CDS2: variants seen among roughly 807,000 people sequenced by gnomAD.
CDS2 encodes the protein phosphatidate cytidylyltransferase 2.
CDS2 carries 47 observed loss-of-function variants against 59.0 expected under a neutral mutation model. That is an observed-to-expected ratio of 0.80 (90% confidence interval 0.63 to 1.02). CDS2 has a LOEUF of 1.02. Ranked by LOEUF, CDS2 falls within the 50% of genes least tolerant of loss-of-function variation. CDS2 has a pLI of 0.00. For missense variants in CDS2, 356 were observed against 558.9 expected (o/e 0.64, Z 3.66); for synonymous variants, 207 against 206.4 (o/e 1.00, Z -0.02).
At position 5,178,905 on chromosome 20, in the gene CDS2, C is replaced by T. The variant is rs1417791050; in HGVS notation, c.478C>T (p.Arg160Trp). The change falls in exon 5 of 13, where the codon CGG becomes TGG. Residue 160 changes from arginine to tryptophan, a missense_variant. This residue lies in a region of CDS2 where 87 missense variants were observed against 193.3 expected (regional missense o/e 0.45). Coordinates refer to ENST00000460006, the MANE Select transcript of CDS2 (RefSeq NM_003818.4). ...FTLVQREEPL[R>W]ILSKYHRFIS... ...CCTGGTCCAGAGAGAAGAGCCTTTG[C>T]GGATTCTCAGTAAATACCACCGGTT... is the stretch of plus-strand genomic sequence containing the variant. 11 of 1,613,838 alleles carry T rather than the reference C, an allele frequency of 6.8e-6. No homozygotes were observed. The highest frequency in any genetic ancestry group is 1.6e-4 in the Middle Eastern group (1 of 6,084).
At chr20:5,174,579 G>T (rs2090980436) in intron 2 of CDS2, among the ~76,000 whole-genome samples, 1 of 152,104 alleles carries the variant, frequency 6.6e-6, no homozygotes, top group Admixed American at 6.5e-5. Context: ...AAAAAAATTA[G>T]CTGGGTGTGG....
rs554910632 is a variant in CDS2, at chr20:5,140,523, A to G, written c.57+13374A>G. On this transcript the variant is annotated intron_variant, in intron 1 of 12. Coordinates refer to ENST00000460006, the MANE Select transcript of CDS2 (RefSeq NM_003818.4). ...ACTCCTTGGTTTATAGCCTAGTTCA[A>G]TCATTAAGTTGTGTCTGTTTTCTCA... 2.2e-3 allele frequency among the ~76,000 whole-genome samples: 334 copies of G among 152,208 alleles called. 2 individuals are homozygous for G. Among genetic ancestry groups the G allele is most frequent in the Non-Finnish European group, 4.2e-3 (285 of 68,026 alleles).
At chr20:5,160,477 GACT>G (rs1363546735) in intron 1 of CDS2, among the ~76,000 whole-genome samples, 4 of 152,146 alleles carry the variant, frequency 2.6e-5, no homozygotes, top group Non-Finnish European at 5.9e-5. Context: ...ACAGCTGTTA[GACT>G]GTCTGCATTG....
intron 1 of CDS2, among the ~76,000 whole-genome samples, chr20:5,130,090 A>G (rs2090592090): frequency 6.6e-6 from 1 of 151,994 alleles, no homozygotes; most frequent in African/African-American, 2.4e-5. Flanking sequence ...CTCCTGCCTT[A>G]GCTTCCCCAG....
In CDS2 at chr20:5,127,022, G is replaced by C; in HGVS notation, c.-71G>C. ...GGGCCGGCCGTGGGAGTCCGCGCGT[G>C]CCCGCGCCGAGCTGCCTGCTCCGGC... On this transcript the variant is annotated 5_prime_UTR_variant, in exon 1 of 13. Transcript: ENST00000460006. The C allele has an allele frequency of 7.1e-7, 1 of 1,413,180 alleles. No individual in the cohort carries two copies. The highest frequency in any genetic ancestry group is 9.4e-7 in the Non-Finnish European group (1 of 1,067,414). The allele number at this position is 1,413,180 out of a possible 1,614,324, so 87.5% of individuals were successfully genotyped here.
chr20:5,182,919 T>C lies in CDS2; in HGVS notation c.589-142T>C, dbSNP rs1275105371. ...TTACTCTCAGAAGCCTGATCTTACCTGTTCACTTTCAATAAGTCAGATACA... is the reference window on the plus strand; with the variant it reads ...TTACTCTCAGAAGCCTGATCTTACCCGTTCACTTTCAATAAGTCAGATACA... On this transcript the variant is annotated intron_variant, in intron 6 of 12. Coordinates refer to ENST00000460006, the MANE Select transcript of CDS2 (RefSeq NM_003818.4). 3 of 671,486 alleles carry C rather than the reference T, an allele frequency of 4.5e-6. No homozygotes were observed. The East Asian group carries it at 8.2e-5, about 18-fold the overall frequency. 41.6% of individuals were successfully genotyped at this position (671,486 alleles called of 1,614,324 possible).
At chr20:5,180,784 A>C (rs1235266926) in intron 5 of CDS2, among the ~76,000 whole-genome samples, 1 of 151,970 alleles carries the variant, frequency 6.6e-6, no homozygotes, top group Non-Finnish European at 1.5e-5. Flanking sequence ...TTCCCCCATC[A>C]CTTTTATAAG....
At position 5,190,519 on chromosome 20, in the gene CDS2, A is replaced by G. The variant is rs3746676; in HGVS notation, c.*285A>G. On this transcript the variant is annotated 3_prime_UTR_variant, in exon 13 of 13. Coordinates refer to ENST00000460006, the MANE Select transcript of CDS2 (RefSeq NM_003818.4). ...CAAAAGTATTAATAATCTGGAAGAC[A>G]GTGTTGCCCAGGTCAGGAGTGTTTT... The G allele has an allele frequency of 0.025, 6,068 of 243,618 alleles. 136 individuals are homozygous for G. Among genetic ancestry groups the G allele is most frequent in the East Asian group, 0.1 (1,269 of 12,644 alleles). 15.1% of individuals were successfully genotyped at this position (243,618 alleles called of 1,614,324 possible).
Position 5,186,752 on chromosome 20 carries a change from C to A in CDS2, c.894C>A (p.Asn298Lys). Residue 298 changes from asparagine (N) to lysine (K), a missense_variant, in exon 10 of 13, where the codon AAC becomes AAA. Transcript: ENST00000460006. ...CTGTGGAGTACAACAATGACACCAACAGCTTCACTGTGGACTGTGAGCCCT... is the reference window on the plus strand; with the variant it reads ...CTGTGGAGTACAACAATGACACCAAAAGCTTCACTGTGGACTGTGAGCCCT... ...VCPVEYNNDT[N>K]SFTVDCEPSD... 1 of 1,614,104 alleles carries A rather than the reference C, an allele frequency of 6.2e-7. No individual in the cohort carries two copies. Among genetic ancestry groups the A allele is most frequent in the Non-Finnish European group, 8.5e-7 (1 of 1,179,972 alleles).
At chr20:5,173,849 A>G (rs2090974741) in intron 2 of CDS2, among the ~76,000 whole-genome samples, 190 bp downstream of exon 2, 4 of 152,192 alleles carry the variant, frequency 2.6e-5, no homozygotes, top group Admixed American at 2.6e-4. Context: ...CACAGTGACC[A>G]GGAGGGGAGG....
intron 1 of CDS2, chr20:5,168,679 C>G: frequency 1.9e-6 from 1 of 516,828 alleles, no homozygotes; most frequent in Non-Finnish European, 3.9e-6. Flanking sequence ...AAGCCTCCCA[C>G]CAGGCTGGCA....
chr20:5,189,156 A>C lies in CDS2; in HGVS notation c.1071A>C (p.Ala357=). 6.2e-7 allele frequency: 1 copy of C among 1,614,084 alleles called. No homozygotes were observed. Among genetic ancestry groups the C allele is most frequent in the South Asian group, 1.1e-5 (1 of 91,068 alleles). ...SLIGPFGGFF[A]SGFKRAFKIK... ...TTGGCCCCTTTGGAGGATTCTTCGC[A>C]AGTGGATTCAAACGAGCCTTTAAAA... is the stretch of plus-strand genomic sequence containing the variant. The change falls in exon 11 of 13, where the codon GCA becomes GCC. Residue 357 remains alanine, a synonymous_variant. Transcript: ENST00000460006.
intron 1 of CDS2, among the ~76,000 whole-genome samples, chr20:5,129,443 ATT>A (rs928515205): frequency 1.3e-4 from 16 of 122,040 alleles, no homozygotes; most frequent in Admixed American, 3.2e-4. Flanking sequence ...CGCTCGGCTA[ATT>A]TTTTTTTTTT....
intron 1 of CDS2, among the ~76,000 whole-genome samples, chr20:5,171,899 C>T (rs572392388): frequency 2.6e-5 from 4 of 152,222 alleles, no homozygotes; most frequent in South Asian, 2.1e-4. Context: ...ATGATGAGGC[C>T]GTCTTTATTG....
intron 1 of CDS2, among the ~76,000 whole-genome samples, chr20:5,147,961 T>C (rs1472139750): frequency 6.6e-6 from 1 of 152,114 alleles, no homozygotes; most frequent in Non-Finnish European, 1.5e-5. Flanking sequence ...TTGTTGTTGC[T>C]GTTGTTTTTT....
At chr20:5,149,934 C>T (rs148788826) in intron 1 of CDS2, among the ~76,000 whole-genome samples, 5 of 151,546 alleles carry the variant, frequency 3.3e-5, no homozygotes, top group African/African-American at 7.3e-5. Flanking sequence ...AGGCTGTTCT[C>T]GAACTCCTGA....
intron 1 of CDS2, among the ~76,000 whole-genome samples, chr20:5,173,007 G>A (rs866292691): frequency 2.0e-5 from 3 of 152,134 alleles, no homozygotes; most frequent in African/African-American, 4.8e-5. Flanking sequence ...TGTCTGGTTC[G>A]TTGTCCACAC....
At chr20:5,171,780 A>G (rs1048180345) in intron 1 of CDS2, among the ~76,000 whole-genome samples, 4 of 152,188 alleles carry the variant, frequency 2.6e-5, no homozygotes, top group African/African-American at 9.7e-5. Flanking sequence ...TGAAGACGCC[A>G]AAGTACAGAG....
At chr20:5,151,750 C>CTT (rs57378947) in intron 1 of CDS2, among the ~76,000 whole-genome samples, 582 of 53,130 alleles carry the variant, frequency 0.011, 79 homozygotes, top group African/African-American at 0.014. Flanking sequence ...GACTCCATGT[C>CTT]TTTTTTTTTT....
Sources: allele counts gnomAD v4.1 joint callset (sites outside exome capture counted in the v4.1 genomes callset), GRCh38; gene constraint gnomAD v4.1.1; regional missense constraint gnomAD v4.1.1; transcripts MANE v1.5; gene names NCBI Gene and HGNC (gene_info 2026-07-23, HGNC 2026-07-21).